The following SMAD1 variants were observed in gnomAD, a reference collection of about 807,000 sequenced individuals.
The protein encoded by SMAD1 is SMAD family member 1.
A neutral mutation model predicts 41.6 loss-of-function variants in SMAD1; 6 were observed. The observed-to-expected ratio is 0.14, with a 90% CI of 0.08 to 0.28. SMAD1 has a LOEUF of 0.28. Ranked by LOEUF, SMAD1 falls within the 10% of genes least tolerant of loss-of-function variation. The pLI is 1.00. For synonymous variants in SMAD1, 206 were observed against 203.2 expected, an observed-to-expected ratio of 1.01 and a Z score of -0.12; for missense variants, 379 against 582.6, an observed-to-expected ratio of 0.65 and a Z score of 3.60.
At chr4:145,521,900 TAA>T (rs10713518) in intron 2 of SMAD1, among the ~76,000 whole-genome samples, 1,295 of 123,976 alleles carry the variant, frequency 0.01, 18 homozygotes, top group African/African-American at 0.029. Context: ...TGGTTTTCTG[TAA>T]AAAAAAAAAA....
intron 2 of SMAD1, among the ~76,000 whole-genome samples, chr4:145,526,123 C>T (rs550222649): frequency 1.3e-5 from 2 of 152,244 alleles, no homozygotes; most frequent in African/African-American, 4.8e-5. Flanking sequence ...CTTATGTGGT[C>T]GCACATCACC....
At chr4:145,556,239 C>A (rs1732827933) in intron 6 of SMAD1, among the ~76,000 whole-genome samples, 1 of 152,170 alleles carries the variant, frequency 6.6e-6, no homozygotes, top group Non-Finnish European at 1.5e-5. Context: ...CTTCTGCTTT[C>A]TGTCATTATG....
chr4:145,516,346 G>T (rs1437827), intron 2 of SMAD1, among the ~76,000 whole-genome samples: 3,743 of 151,964 alleles, frequency 0.025, 160 homozygotes, highest in African/African-American at 0.085. Flanking sequence ...TATACTTTAG[G>T]ATTACCTTGT....
chr4:145,548,202 TTTTA>T (rs377511852), intron 5 of SMAD1, among the ~76,000 whole-genome samples: 2,375 of 152,010 alleles, frequency 0.016, 54 homozygotes, highest in African/African-American at 0.054. Context: ...TTTTACTTCA[TTTTA>T]TTTATTTATT....
chr4:145,532,088 A>G (rs1476779200), intron 2 of SMAD1, among the ~76,000 whole-genome samples: 1 of 152,198 alleles, frequency 6.6e-6, no homozygotes, highest in Admixed American at 6.5e-5. Context: ...CCTCTCTACA[A>G]TTTTAACTGT....
Position 145,557,919 on chromosome 4 carries a change from T to C in SMAD1, c.1383T>C (p.Ile461=), listed in dbSNP as rs1225917007. 6.2e-7 allele frequency: 1 copy of C among 1,607,470 alleles called. No individual in the cohort carries two copies. The highest frequency in any genetic ancestry group is 8.5e-7 in the Non-Finnish European group (1 of 1,176,116). Residue 461 remains isoleucine (I), a synonymous_variant, in exon 7 of 7, where the codon ATT becomes ATC. Coordinates refer to ENST00000302085, the MANE Select transcript of SMAD1 (RefSeq NM_005900.3). ...LTQMGSPHNP[I]SSVS ...AAATGGGTTCACCTCATAATCCTAT[T>C]TCATCTGTATCTTAAATGGCCCCAG...
intron 2 of SMAD1, among the ~76,000 whole-genome samples, chr4:145,527,082 T>C (rs1226458653): frequency 6.6e-6 from 1 of 152,132 alleles, no homozygotes; most frequent in Non-Finnish European, 1.5e-5. Flanking sequence ...AAATTTGTAA[T>C]GTAAGCAACT....
At chr4:145,520,877 GA>G (rs1270045777) in intron 2 of SMAD1, among the ~76,000 whole-genome samples, 1 of 152,108 alleles carries the variant, frequency 6.6e-6, no homozygotes, top group Non-Finnish European at 1.5e-5. Context: ...TGGTAGTGGG[GA>G]AAAACAAATT....
At chr4:145,509,057 G>A (rs887697388) in intron 1 of SMAD1, among the ~76,000 whole-genome samples, 1 of 152,178 alleles carries the variant, frequency 6.6e-6, no homozygotes, top group Non-Finnish European at 1.5e-5. Context: ...CATGATATTA[G>A]AGTAAGTTAA....
chr4:145,522,975 C>G (rs751064782), intron 2 of SMAD1, among the ~76,000 whole-genome samples: 16 of 152,194 alleles, frequency 1.1e-4, no homozygotes, highest in South Asian at 4.1e-4. Context: ...CCGTGCCTGG[C>G]TGTGAATGTG....
chr4:145,493,161 G>T (rs1219954151), intron 1 of SMAD1, among the ~76,000 whole-genome samples: 1 of 152,188 alleles, frequency 6.6e-6, no homozygotes, highest in African/African-American at 2.4e-5. Context: ...GGGAGTACGG[G>T]CCCTGAAGTG....
chr4:145,502,113 G>C (rs1729478941), intron 1 of SMAD1, among the ~76,000 whole-genome samples: 1 of 152,142 alleles, frequency 6.6e-6, no homozygotes, highest in African/African-American at 2.4e-5. Context: ...ACTTTCTCCT[G>C]GGATAGTCAA....
At chr4:145,539,061 T>C (rs1408804002) in intron 2 of SMAD1, among the ~76,000 whole-genome samples, 2 of 152,180 alleles carry the variant, frequency 1.3e-5, no homozygotes, top group Admixed American at 6.5e-5. Context: ...TTGGGCCGCC[T>C]TTGTACCTTG....
intron 1 of SMAD1, among the ~76,000 whole-genome samples, chr4:145,503,650 T>A (rs1327503771): frequency 6.6e-6 from 1 of 152,188 alleles, no homozygotes; most frequent in Non-Finnish European, 1.5e-5. Flanking sequence ...CAGCAGGTCC[T>A]CAGACAACCT....
At chr4:145,523,077 T>C (rs1019150366) in intron 2 of SMAD1, among the ~76,000 whole-genome samples, 1 of 152,238 alleles carries the variant, frequency 6.6e-6, no homozygotes, top group Non-Finnish European at 1.5e-5. Flanking sequence ...TTAGCAATAA[T>C]ATTAACTATA....
At position 145,539,799 on chromosome 4, in the gene SMAD1, T is replaced by C. The variant is rs1414723046; in HGVS notation, c.401-5T>C. On this transcript the variant is annotated splice_region_variant and splice_polypyrimidine_tract_variant and intron_variant, in intron 2 of 6. Transcript: ENST00000302085. ...TCCTTCTCTTTTTTCCCTTCCTTTT[T>C]CTAGTACTTCCTCCTGTGCTGGTTC... 3.1e-6 allele frequency: 5 copies of C among 1,611,404 alleles called. 1 individual carries two copies. In the Admixed American group the frequency reaches 8.3e-5, roughly 27 times the overall value.
intron 2 of SMAD1, among the ~76,000 whole-genome samples, chr4:145,515,235 C>A (rs995452498): frequency 8.0e-5 from 12 of 150,606 alleles, no homozygotes; most frequent in Non-Finnish European, 1.8e-4. Flanking sequence ...ACAGCTTAGT[C>A]ATCTCTAGTT....
At chr4:145,553,529 G>C (rs1271606556) in intron 5 of SMAD1, among the ~76,000 whole-genome samples, 2 of 152,146 alleles carry the variant, frequency 1.3e-5, no homozygotes, top group African/African-American at 4.8e-5. Context: ...TGATCTAACA[G>C]GAGGTGGAGC....
At chr4:145,534,134 C>G (rs1731478691) in intron 2 of SMAD1, among the ~76,000 whole-genome samples, 1 of 152,174 alleles carries the variant, frequency 6.6e-6, no homozygotes, top group African/African-American at 2.4e-5. Flanking sequence ...GAAGAGAAGC[C>G]TCAGGGAAAC....
Sources: allele counts gnomAD v4.1 joint callset (sites outside exome capture counted in the v4.1 genomes callset), GRCh38; gene constraint gnomAD v4.1.1; transcripts MANE v1.5; gene names NCBI Gene and HGNC (gene_info 2026-07-23, HGNC 2026-07-21).